The following DNAJC6 variants were observed in gnomAD, a reference collection of about 807,000 sequenced individuals.
DNAJC6 encodes the protein DnaJ heat shock protein family (Hsp40) member C6, also known as auxilin.
A neutral mutation model predicts 110.0 loss-of-function variants in DNAJC6; 34 were observed. That is an observed-to-expected ratio of 0.31 (90% CI 0.24 to 0.41). The LOEUF (loss-of-function observed/expected upper bound fraction) is 0.41. Among genes scored for constraint, DNAJC6 ranks in the 10% least tolerant of loss-of-function variants. The pLI is 1.00. For missense variants in DNAJC6, 1,031 were observed against 1,207.8 expected (o/e 0.85, Z 2.17); for synonymous variants, 406 against 437.2 (o/e 0.93, Z 0.89).
chr1:65,267,610 A>G (rs1324992192), intron 1 of DNAJC6, among the ~76,000 whole-genome samples: 1 of 152,116 alleles, frequency 6.6e-6, no homozygotes, highest in Non-Finnish European at 1.5e-5. Flanking sequence ...GGAACACTGA[A>G]ATAAATCATA....
At chr1:65,410,776 A>G (rs745704593) in intron 17 of DNAJC6, among the ~76,000 whole-genome samples, 52 of 152,380 alleles carry the variant, frequency 3.4e-4, no homozygotes, top group Admixed American at 1.1e-3. Flanking sequence ...ACAGTGATAT[A>G]TAAGAAATAA....
chr1:65,293,320 A>T (rs1232900578), intron 1 of DNAJC6, among the ~76,000 whole-genome samples: 1 of 151,938 alleles, frequency 6.6e-6, no homozygotes, highest in African/African-American at 2.4e-5. Flanking sequence ...AGCCAGAGAG[A>T]CAGTGAGCAC....
At chr1:65,355,903 T>C (rs1645538851) in intron 1 of DNAJC6, among the ~76,000 whole-genome samples, 2 of 150,474 alleles carry the variant, frequency 1.3e-5, no homozygotes, top group Admixed American at 1.3e-4. Flanking sequence ...TTTTTTTTTT[T>C]TTCTGGCCAA....
At chr1:65,292,181 T>A (rs7516965) in intron 1 of DNAJC6, among the ~76,000 whole-genome samples, 68,671 of 151,526 alleles carry the variant, frequency 0.45, 15,531 homozygotes, top group East Asian at 0.52. Flanking sequence ...CACACCTGGC[T>A]AATTATTTGT....
chr1:65,392,943 C>T (rs768721904), intron 12 of DNAJC6, 78 bp downstream of exon 12: 2 of 1,327,766 alleles, frequency 1.5e-6, no homozygotes, highest in Middle Eastern at 2.0e-4. Flanking sequence ...ATTGAACTTT[C>T]CTAATAAGCT....
intron 18 of DNAJC6, 100 bp from the exon 19 acceptor site, chr1:65,412,824 C>A: frequency 2.0e-6 from 2 of 1,000,046 alleles, no homozygotes; most frequent in Non-Finnish European, 3.0e-6. Context: ...AATAGAAAAA[C>A]ATTTCCATTG....
intron 1 of DNAJC6, among the ~76,000 whole-genome samples, chr1:65,280,048 T>A (rs552327): frequency 6.6e-6 from 1 of 152,018 alleles, no homozygotes; most frequent in Non-Finnish European, 1.5e-5. Context: ...AAGGTTGTTG[T>A]GAGATTAGAA....
At chr1:65,389,741 C>G (rs1019796656) in intron 11 of DNAJC6, 114 bp downstream of exon 11, 19 of 1,158,820 alleles carry the variant, frequency 1.6e-5, no homozygotes, top group Non-Finnish European at 2.3e-5. Flanking sequence ...GTCATTCAAT[C>G]CAGGCACACG....
upstream of DNAJC6, among the ~76,000 whole-genome samples, chr1:65,306,764 A>G (rs1163513797): frequency 6.6e-6 from 1 of 150,618 alleles, no homozygotes; most frequent in East Asian, 2.0e-4. Flanking sequence ...GACCAGTGCC[A>G]CCTCCCTTAA....
chr1:65,317,474 T>G (rs1430047576), intron 1 of DNAJC6, among the ~76,000 whole-genome samples: 1 of 152,244 alleles, frequency 6.6e-6, no homozygotes, highest in Non-Finnish European at 1.5e-5. Flanking sequence ...AATATCTTTT[T>G]ATTTCAATAA....
rs1646150467 is a variant in DNAJC6, at chr1:65,413,988, T to TTG, written c.*966_*967dup. ...CAGTGTTCTCTAGGTTTGTGAGCAGTTGTGGTAAGAGAATGGAAGGCAACA... is the reference window on the plus strand; with the variant it reads ...CAGTGTTCTCTAGGTTTGTGAGCAGTTGTGTGGTAAGAGAATGGAAGGCAACA... On this transcript the variant is annotated 3_prime_UTR_variant, in exon 19 of 19. Coordinates refer to ENST00000371069, the MANE Select transcript of DNAJC6 (RefSeq NM_001256864.2). 2 of 152,018 alleles carry TTG rather than the reference T, an allele frequency of 1.3e-5. No homozygotes were observed. The highest frequency in any genetic ancestry group is 6.6e-5 in the Admixed American group (1 of 15,258). 9.4% of individuals were successfully genotyped at this position (152,018 alleles called of 1,614,324 possible).
chr1:65,324,763 G>A (rs1645227145), intron 1 of DNAJC6, among the ~76,000 whole-genome samples: 1 of 152,218 alleles, frequency 6.6e-6, no homozygotes. Flanking sequence ...ATTTGGTAAT[G>A]TCTGGAGACA....
rs538265465 is a variant in DNAJC6 at position 65,364,361 on chromosome 1, C to T, written c.194-274C>T. On this transcript the variant is annotated intron_variant, in intron 1 of 18. Coordinates refer to ENST00000371069, the MANE Select transcript of DNAJC6 (RefSeq NM_001256864.2). ...CAGTTGAGACTAGCCATATTTCAGG[C>T]GCTCAATTGTTACACATGGCTAGTA... Among the ~76,000 whole-genome samples the T allele has an allele frequency of 6.6e-5, 10 of 152,038 alleles. No individual in the cohort carries two copies. The South Asian group carries it at 1.0e-3, about 16-fold the overall frequency.
chr1:65,380,883 G>A (rs1645810443), intron 5 of DNAJC6, among the ~76,000 whole-genome samples: 1 of 144,710 alleles, frequency 6.9e-6, no homozygotes, highest in South Asian at 2.1e-4. Context: ...TGAAGCTGGG[G>A]GAGGGAGTTT....
At chr1:65,398,919 T>G in intron 14 of DNAJC6, 38 bp downstream of exon 14, 5 of 1,604,222 alleles carry the variant, frequency 3.1e-6, no homozygotes, top group Non-Finnish European at 4.3e-6. Context: ...TTTATATAAT[T>G]GCAAAAGCAT....
At chr1:65,368,954 T>C (rs994119218) in intron 4 of DNAJC6, among the ~76,000 whole-genome samples, 1 of 151,846 alleles carries the variant, frequency 6.6e-6, no homozygotes, top group African/African-American at 2.4e-5. Flanking sequence ...GTATATTTAG[T>C]AGAGACGATT....
In DNAJC6 at chr1:65,385,739, G is replaced by C. The variant is rs1426587218; in HGVS notation, c.828G>C (p.Leu276=). ...RRYLGYMCDL[L]ADKPYRPHFK... is the part of the protein sequence containing the mutation. ...ACCTGGGCTATATGTGTGACCTACTGGCAGACAAGCCCTACCGCCCTCACT... is the reference window on the plus strand; with the variant it reads ...ACCTGGGCTATATGTGTGACCTACTCGCAGACAAGCCCTACCGCCCTCACT... The change falls in exon 7 of 19, where the codon CTG becomes CTC. Residue 276 remains leucine, a synonymous_variant. Coordinates refer to ENST00000371069, the MANE Select transcript of DNAJC6 (RefSeq NM_001256864.2). The C allele has an allele frequency of 6.2e-7, 1 of 1,611,930 alleles. No individual in the cohort carries two copies. The highest frequency in any genetic ancestry group is 8.5e-7 in the Non-Finnish European group (1 of 1,178,426).
intron 13 of DNAJC6, 84 bp downstream of exon 13, chr1:65,395,116 T>A: frequency 2.2e-6 from 3 of 1,363,792 alleles, no homozygotes; most frequent in Non-Finnish European, 2.9e-6. Context: ...AAGCACCCTG[T>A]GGGTGCTTTT....
At position 65,299,558 on chromosome 1, in the gene DNAJC6, C is replaced by A. The variant is rs577158012; in HGVS notation, c.-131+34626C>A. On this transcript the variant is annotated intron_variant, in intron 1 of 19. Transcript: ENST00000263441. Reference sequence around the variant, plus strand: ...TGTTGAAGGACAATGACAAATAACACAATAGATAGCATTCATTGAACCCTC... The same window carrying A: ...TGTTGAAGGACAATGACAAATAACAAAATAGATAGCATTCATTGAACCCTC... 7.2e-5 allele frequency among the ~76,000 whole-genome samples: 11 copies of A among 152,308 alleles called. No individual in the cohort carries two copies. In the South Asian group the frequency reaches 2.3e-3, roughly 32 times the overall value.
Sources: allele counts gnomAD v4.1 joint callset (sites outside exome capture counted in the v4.1 genomes callset), GRCh38; gene constraint gnomAD v4.1.1; transcripts MANE v1.5; gene names NCBI Gene and HGNC (gene_info 2026-07-23, HGNC 2026-07-21).